Variants in ZNF578 observed in about 807,000 individuals in gnomAD.
ZNF578 encodes the protein zinc finger protein 578, also known as Putative chemokine-related protein B42.
In ZNF578, 8 loss-of-function variants were observed where a neutral mutation model predicts 8.3. The ratio of observed to expected loss-of-function variants is 0.96; its 90% CI spans 0.56 to 1.74. The LOEUF (loss-of-function observed/expected upper bound fraction) is 1.74. Among genes scored for constraint, ZNF578 ranks in the 40% most tolerant of loss-of-function variants. ZNF578 has a pLI of 0.00. For missense variants in ZNF578, 726 were observed against 707.5 expected (o/e 1.03, Z -0.30); for synonymous variants, 206 against 232.2 (o/e 0.89, Z 1.03).
At chr19:52,462,605 T>C (rs1222881022) in intron 2 of ZNF578, among the ~76,000 whole-genome samples, 1 of 152,214 alleles carries the variant, frequency 6.6e-6, no homozygotes, top group Non-Finnish European at 1.5e-5. Flanking sequence ...TTAGTGGTTT[T>C]TGTTGTGCCT....
intron 2 of ZNF578, among the ~76,000 whole-genome samples, chr19:52,460,152 T>C (rs1380875751): frequency 2.0e-5 from 3 of 151,806 alleles, no homozygotes; most frequent in Admixed American, 6.6e-5. Context: ...GTATAAAATA[T>C]CTACACACAC....
rs1410088420 is a variant in ZNF578 at position 52,512,210 on chromosome 19, C to G, written c.*56C>G. On this transcript the variant is annotated 3_prime_UTR_variant, in exon 6 of 6. Transcript: ENST00000421239. ...TGAAGCATGTGACAAAGTTTTCAGT[C>G]ACAGATCACGCCTTAAAAGACATAG... 2 of 1,608,454 alleles carry G rather than the reference C, an allele frequency of 1.2e-6. No individual in the cohort carries two copies. The highest frequency in any genetic ancestry group is 1.7e-6 in the Non-Finnish European group (2 of 1,176,744).
intron 3 of ZNF578, among the ~76,000 whole-genome samples, chr19:52,492,642 C>CA (rs903710570): frequency 3.9e-5 from 6 of 152,162 alleles, no homozygotes; most frequent in Non-Finnish European, 7.3e-5. Context: ...TCCAAACACC[C>CA]AAAAAACAGA....
chr19:52,487,950 GC>G (rs59420928), intron 2 of ZNF578, among the ~76,000 whole-genome samples: 85,658 of 144,058 alleles, frequency 0.59, 25,234 homozygotes, highest in Middle Eastern at 0.64. Flanking sequence ...GGCCTACATA[GC>G]CCCCCCCCCT....
intron 2 of ZNF578, among the ~76,000 whole-genome samples, chr19:52,464,592 C>T (rs1210718051): frequency 6.6e-6 from 1 of 152,136 alleles, no homozygotes; most frequent in African/African-American, 2.4e-5. Context: ...GTGCTATAAG[C>T]AATCCAGCGT....
chr19:52,505,681 C>T (rs1285037292), intron 5 of ZNF578, among the ~76,000 whole-genome samples: 1 of 152,262 alleles, frequency 6.6e-6, no homozygotes, highest in East Asian at 1.9e-4. Context: ...TCCTCGACCT[C>T]CCAAAGTGCT....
chr19:52,459,249 A>C (rs1188995911), intron 2 of ZNF578, among the ~76,000 whole-genome samples: 1 of 152,196 alleles, frequency 6.6e-6, no homozygotes, highest in Non-Finnish European at 1.5e-5. Flanking sequence ...AATACACTAT[A>C]TCCCTTCTGA....
At chr19:52,492,383 G>A (rs2122886396) in intron 3 of ZNF578, among the ~76,000 whole-genome samples, 1 of 152,180 alleles carries the variant, frequency 6.6e-6, no homozygotes, top group South Asian at 2.1e-4. Flanking sequence ...CCTTTCCTGA[G>A]CACTCAGTCC....
intron 2 of ZNF578, among the ~76,000 whole-genome samples, chr19:52,470,508 A>G (rs770707241): frequency 6.6e-6 from 1 of 152,178 alleles, no homozygotes; most frequent in Non-Finnish European, 1.5e-5. Flanking sequence ...GATGGTTCAT[A>G]AAGTATTGTT....
chr19:52,478,168 G>C (rs747822631), intron 2 of ZNF578, among the ~76,000 whole-genome samples: 10 of 152,226 alleles, frequency 6.6e-5, no homozygotes, highest in Non-Finnish European at 1.5e-4. Context: ...AGACAAACAA[G>C]TGCAAGCCAA....
In ZNF578 at chr19:52,490,786, C is replaced by T. The variant is rs568998776; in HGVS notation, c.-121-538C>T. ...CCGAGTAGCTGGGACTACAGGTGAC[C>T]GCCACCACGCCTGGCTGATTTTTGG... On this transcript the variant is annotated intron_variant, in intron 2 of 5. Coordinates refer to ENST00000421239, the MANE Select transcript of ZNF578 (RefSeq NM_001099694.2). Among the ~76,000 whole-genome samples the T allele has an allele frequency of 1.2e-4, 18 of 152,116 alleles. No homozygotes were observed. The South Asian group carries it at 1.2e-3, about 11-fold the overall frequency.
intron 2 of ZNF578, among the ~76,000 whole-genome samples, chr19:52,463,016 T>A (rs1284438904): frequency 1.3e-5 from 2 of 152,138 alleles, no homozygotes; most frequent in Admixed American, 1.3e-4. Flanking sequence ...GTTCAAAAAA[T>A]TTAAGGTAAC....
At chr19:52,489,323 C>T (rs2122873115) in intron 2 of ZNF578, among the ~76,000 whole-genome samples, 1 of 152,254 alleles carries the variant, frequency 6.6e-6, no homozygotes, top group East Asian at 1.9e-4. Flanking sequence ...TGTGCTGTGG[C>T]TCACACTTGT....
rs1343834443 is a variant in ZNF578, at chr19:52,513,316, CTGGCATTGT to C, written c.*1164_*1172del. On this transcript the variant is annotated 3_prime_UTR_variant, in exon 6 of 6. Transcript: ENST00000421239. Reference sequence around the variant, plus strand: ...AGATTACAGGCATATGCCACCGCGCCTGGCATTGTTTCTTCTTTTCCTTTTTTTTTTTTT... The same window carrying C: ...AGATTACAGGCATATGCCACCGCGCCTTCTTCTTTTCCTTTTTTTTTTTTT... 6.7e-6 allele frequency among the ~76,000 whole-genome samples: 1 copy of C among 148,776 alleles called. No individual in the cohort carries two copies. Among genetic ancestry groups the C allele is most frequent in the Non-Finnish European group, 1.5e-5 (1 of 67,600 alleles).
intron 2 of ZNF578, among the ~76,000 whole-genome samples, chr19:52,470,672 G>A (rs1406546784): frequency 6.6e-6 from 1 of 152,154 alleles, no homozygotes; most frequent in Non-Finnish European, 1.5e-5. Context: ...AAATTGACTT[G>A]CTGGGTCTTC....
At chr19:52,476,481 T>TA (rs1402100229) in intron 2 of ZNF578, among the ~76,000 whole-genome samples, 1 of 152,158 alleles carries the variant, frequency 6.6e-6, no homozygotes, top group Non-Finnish European at 1.5e-5. Flanking sequence ...TCCTAGCCCT[T>TA]TTCTATCTGT....
At chr19:52,474,170 T>C in intron 2 of ZNF578, 1 of 303,866 alleles carries the variant, frequency 3.3e-6, no homozygotes, top group Non-Finnish European at 6.9e-6. Flanking sequence ...CTTTCCACTA[T>C]GAATTAGAAG....
chr19:52,512,789 C>T lies in ZNF578; in HGVS notation c.*635C>T, dbSNP rs1490277228. 6.6e-6 allele frequency among the ~76,000 whole-genome samples: 1 copy of T among 152,216 alleles called. No individual in the cohort carries two copies. The highest frequency in any genetic ancestry group is 1.5e-5 in the Non-Finnish European group (1 of 68,042). The stretch of plus-strand genomic sequence containing the variant: ...CAATGCAGTGAGTATAGCAAACCAT[C>T]AAGCATTAATTGACATTGGAGTCAA... On this transcript the variant is annotated 3_prime_UTR_variant, in exon 6 of 6. Transcript: ENST00000421239.
intron 2 of ZNF578, among the ~76,000 whole-genome samples, chr19:52,476,801 G>A (rs1403772379): frequency 6.6e-6 from 1 of 152,152 alleles, no homozygotes; most frequent in Non-Finnish European, 1.5e-5. Context: ...CATGGTAGGG[G>A]CCGGTCCTTA....
Sources: allele counts gnomAD v4.1 joint callset (sites outside exome capture counted in the v4.1 genomes callset), GRCh38; gene constraint gnomAD v4.1.1; transcripts MANE v1.5; gene names NCBI Gene and HGNC (gene_info 2026-07-23, HGNC 2026-07-21).